Variants in POMT1 observed in about 807,000 individuals in gnomAD.
POMT1 encodes the protein protein O-mannosyl-transferase 1.
A neutral mutation model predicts 101.6 loss-of-function variants in POMT1; 85 were observed. That is an observed-to-expected ratio of 0.84 (90% CI 0.70 to 1.00). The LOEUF (loss-of-function observed/expected upper bound fraction) is 1.00. Ranked by LOEUF, POMT1 falls within the 50% of genes least tolerant of loss-of-function variation. POMT1 has a pLI of 0.00. For missense variants in POMT1, 857 were observed against 930.4 expected (o/e 0.92, Z 1.03); for synonymous variants, 371 against 383.0 (o/e 0.97, Z 0.37).
At chr9:131,505,763 T>TG (rs1453329485) in intron 2 of POMT1, among the ~76,000 whole-genome samples, 5 of 19,252 alleles carry the variant, frequency 2.6e-4, no homozygotes, top group Admixed American at 1.1e-3. Context: ...GGGGCGGGGG[T>TG]GGGGGGGTTG....
At chr9:131,514,285 C>T (rs923913650) in intron 12 of POMT1, among the ~76,000 whole-genome samples, 2 of 152,184 alleles carry the variant, frequency 1.3e-5, no homozygotes, top group East Asian at 1.9e-4. Flanking sequence ...CCGCCAAGGT[C>T]CCTGGTGACC....
intron 2 of POMT1, among the ~76,000 whole-genome samples, chr9:131,505,136 G>A (rs1045884383): frequency 2.6e-5 from 4 of 151,698 alleles, no homozygotes; most frequent in African/African-American, 9.7e-5. Flanking sequence ...CAAAAGCAGG[G>A]AGACAAGTAT....
At chr9:131,520,296 C>A in intron 17 of POMT1, 103 bp downstream of exon 17, 1 of 1,071,064 alleles carries the variant, frequency 9.3e-7, no homozygotes, top group Non-Finnish European at 1.4e-6. Context: ...TGCTGGGTTT[C>A]TCCCAAGCTT....
At position 131,508,949 on chromosome 9, in the gene POMT1, G is replaced by C; in HGVS notation, c.466G>C (p.Glu156Gln). ...LITQSRLMLL[E>Q]SVLIFFNLLA... ...CACTCAGTCAAGGCTAATGCTTTTG[G>C]AATCAGTGTTAATATTTTTCAATCT... The change falls in exon 6 of 20, where the codon GAA becomes CAA. Residue 156 changes from glutamate to glutamine, a missense_variant. By Grantham distance (29) the Glu-to-Gln change is conservative. Coordinates refer to ENST00000402686, the MANE Select transcript of POMT1 (RefSeq NM_001077365.2). 6.2e-7 allele frequency: 1 copy of C among 1,613,912 alleles called. No homozygotes were observed. Among genetic ancestry groups the C allele is most frequent in the Non-Finnish European group, 8.5e-7 (1 of 1,179,830 alleles).
chr9:131,504,975 A>C (rs2131569361), intron 2 of POMT1, among the ~76,000 whole-genome samples: 1 of 152,012 alleles, frequency 6.6e-6, no homozygotes, highest in South Asian at 2.1e-4. Flanking sequence ...ACGGGATTTC[A>C]CCATCTTGGC....
At chr9:131,507,260 C>T (rs1946059102) in intron 4 of POMT1, 108 bp from the exon 5 acceptor site, 5 of 1,551,502 alleles carry the variant, frequency 3.2e-6, no homozygotes, top group African/African-American at 1.4e-5. Context: ...TGTAAACGTG[C>T]ATTTTAGAGT....
Position 131,523,444 on chromosome 9 carries a change from T to G in POMT1, c.*338T>G, listed in dbSNP as rs193003183. 9.4e-3 allele frequency: 3,424 copies of G among 363,098 alleles called. 47 individuals carry two copies. Among genetic ancestry groups the G allele is most frequent in the Non-Finnish European group, 0.011 (2,142 of 188,254 alleles). The allele number at this position is 363,098 out of a possible 1,614,324, so 22.5% of individuals were successfully genotyped here. On this transcript the variant is annotated 3_prime_UTR_variant, in exon 20 of 20. Transcript: ENST00000402686. ...GGAGCCTCAGCAGACCAGGGCCTGG[T>G]CCTTGCTAACTGCTGCAGGGTGGAG...
rs1408801526 is a variant in POMT1, at chr9:131,512,036, C to A, written c.987-5C>A. The A allele has an allele frequency of 6.2e-7, 1 of 1,613,930 alleles. No homozygotes were observed. The highest frequency in any genetic ancestry group is 1.3e-5 in the African/African-American group (1 of 74,916). On this transcript the variant is annotated splice_region_variant and splice_polypyrimidine_tract_variant and intron_variant, in intron 10 of 19. Coordinates refer to ENST00000402686, the MANE Select transcript of POMT1 (RefSeq NM_001077365.2). ...CAGATACATCTCTTTGTTGACTTCA[C>A]ACAGATATGAGAACGGCCGAGGCAG... is the stretch of plus-strand genomic sequence containing the variant.
intron 18 of POMT1, among the ~76,000 whole-genome samples, chr9:131,521,824 G>A (rs987061508): frequency 6.6e-6 from 1 of 152,190 alleles, no homozygotes; most frequent in Non-Finnish European, 1.5e-5. Flanking sequence ...GCCCGTATGC[G>A]CTGGAAATGG....
chr9:131,513,401 C>T (rs1234895700), intron 12 of POMT1, 70 bp downstream of exon 12: 24 of 1,413,056 alleles, frequency 1.7e-5, no homozygotes, highest in Middle Eastern at 1.8e-4. Flanking sequence ...CAGACCAAAA[C>T]GTGAGCCCTG....
chr9:131,506,299 G>T, intron 3 of POMT1, 79 bp downstream of exon 3: 1 of 1,568,042 alleles, frequency 6.4e-7, no homozygotes, highest in East Asian at 2.2e-5. Flanking sequence ...TTTCTTACAG[G>T]CAGAAACCAG....
Position 131,512,125 on chromosome 9 carries a change from G to A in POMT1, c.1071G>A (p.Lys357=). The A allele has an allele frequency of 6.2e-7, 1 of 1,614,052 alleles. No individual in the cohort carries two copies. Residue 357 remains lysine, a synonymous_variant, in exon 11 of 20, where the codon AAG becomes AAA. Transcript: ENST00000402686. The stretch of plus-strand genomic sequence containing the variant: ...ATGTCAATAACTGGTGGATTGTAAA[G>A]GATCCCAGGAGGTGAGTGCAGGTCC... ...FKDVNNWWIV[K]DPRRHQLVVS...
intron 18 of POMT1, 128 bp from the exon 19 acceptor site, chr9:131,521,919 C>T: frequency 6.5e-7 from 1 of 1,542,816 alleles, no homozygotes; most frequent in Non-Finnish European, 8.7e-7. Flanking sequence ...AGGGAGTCAC[C>T]TGAGGCCAGG....
intron 4 of POMT1, 84 bp downstream of exon 4, chr9:131,506,537 G>C: frequency 1.5e-6 from 2 of 1,365,646 alleles, no homozygotes; most frequent in South Asian, 1.2e-5. Flanking sequence ...AACAACTGTG[G>C]CTTTTTTTTT....
At chr9:131,510,060 G>A in intron 8 of POMT1, 64 bp downstream of exon 8, 2 of 1,614,088 alleles carry the variant, frequency 1.2e-6, no homozygotes, top group Non-Finnish European at 1.7e-6. Context: ...GATGTCACAG[G>A]GGGTACTTGG....
chr9:131,513,507 G>C (rs1348272193), intron 12 of POMT1, among the ~76,000 whole-genome samples, 176 bp downstream of exon 12: 1 of 152,196 alleles, frequency 6.6e-6, no homozygotes, highest in Non-Finnish European at 1.5e-5. Context: ...CCTGGCCGCG[G>C]AAGGGAGCGG....
intron 12 of POMT1, among the ~76,000 whole-genome samples, chr9:131,514,827 G>A (rs957024847): frequency 1.3e-5 from 2 of 152,234 alleles, no homozygotes; most frequent in Non-Finnish European, 2.9e-5. Flanking sequence ...ATGGTGGCAT[G>A]TGCCTGTAAT....
In POMT1 at chr9:131,519,103, C is replaced by T; in HGVS notation, c.1486+146C>T. ...TGGCAGGTCATCTCCCTCCCTGCACCCTGCACTCAGCTGCTGCAGTAATAA... is the reference window on the plus strand; with the variant it reads ...TGGCAGGTCATCTCCCTCCCTGCACTCTGCACTCAGCTGCTGCAGTAATAA... On this transcript the variant is annotated intron_variant, in intron 15 of 19. Coordinates refer to ENST00000402686, the MANE Select transcript of POMT1 (RefSeq NM_001077365.2). This position sits in a 1 kb window ranked among gnomAD's most constrained non-coding sequence, Gnocchi z 4.3. The T allele has an allele frequency of 2.3e-6, 3 of 1,317,450 alleles. No individual in the cohort carries two copies. The South Asian group carries it at 3.8e-5, about 17-fold the overall frequency. The allele number at this position is 1,317,450 out of a possible 1,614,324, so 81.6% of individuals were successfully genotyped here.
In POMT1 at chr9:131,515,026, G is replaced by A. The variant is rs76219815; in HGVS notation, c.1176-400G>A. 7.8e-4 allele frequency among the ~76,000 whole-genome samples: 119 copies of A among 152,314 alleles called. 1 individual carries two copies. The East Asian group carries it at 0.018, about 22-fold the overall frequency. On this transcript the variant is annotated intron_variant, in intron 12 of 19. Coordinates refer to ENST00000402686, the MANE Select transcript of POMT1 (RefSeq NM_001077365.2). ...CCTTTTCTCCCAGCTTATCTGCTGC[G>A]TCCCCAGGCCAGCTGGGCGCAGGGG... is the stretch of plus-strand genomic sequence containing the variant.
Sources: gnomAD v4.1 joint callset for allele counts (sites outside exome capture counted in the v4.1 genomes callset) on GRCh38, gnomAD v4.1.1 for gene constraint, Gnocchi (gnomAD v3.1) non-coding constraint, MANE v1.5 for transcripts, NCBI Gene and HGNC (gene_info 2026-07-23, HGNC 2026-07-21) for gene names.